BRIP1: variants seen among roughly 807,000 people sequenced by gnomAD.
BRIP1 encodes the protein Fanconi anemia group J protein.
A neutral mutation model predicts 119.7 loss-of-function variants in BRIP1; 88 were observed. The observed-to-expected ratio is 0.74, with a 90% CI of 0.62 to 0.88. The LOEUF (loss-of-function observed/expected upper bound fraction) is 0.88, where lower values mean the gene tolerates loss of function less well. Ranked by LOEUF, BRIP1 falls within the 40% of genes least tolerant of loss-of-function variation. The probability of loss-of-function intolerance (pLI) is 0.00; values close to 1 mark genes in which losing one functional copy is unlikely to be tolerated. For missense variants in BRIP1, 1,259 were observed against 1,455.4 expected, an observed-to-expected ratio of 0.87 and a Z score of 2.20; for synonymous variants, 443 against 496.5, an observed-to-expected ratio of 0.89 and a Z score of 1.43.
chr17:61,694,628 C>T (rs192176786), intron 17 of BRIP1, among the ~76,000 whole-genome samples: 3 of 152,152 alleles, frequency 2.0e-5, no homozygotes, highest in Non-Finnish European at 4.4e-5. Flanking sequence ...GCACATTTTA[C>T]ATTCCCACCA....
Position 61,722,523 on chromosome 17 carries a change from A to G in BRIP1, c.2380-6460T>C, listed in dbSNP as rs745809969. On this transcript the variant is annotated intron_variant, in intron 16 of 19. Transcript: ENST00000259008. This position sits in a 1 kb window ranked among gnomAD's most constrained non-coding sequence, Gnocchi z 4.6. ...GGAAAAATATATGTATTTCCTACCT[A>G]TCTCTCAAAAATGTAACTAAAGCAG... is the stretch of plus-strand genomic sequence containing the variant. Among the ~76,000 whole-genome samples, 8 of 152,240 alleles carry G rather than the reference A, an allele frequency of 5.3e-5. No homozygotes were observed. The highest frequency in any genetic ancestry group is 1.2e-4 in the Non-Finnish European group (8 of 68,040).
rs182046029 is a variant in BRIP1, at chr17:61,736,757, C to T, written c.2379+6256G>A. On this transcript the variant is annotated intron_variant, in intron 16 of 19. Transcript: ENST00000259008. The surrounding 1 kb of genome is among the most constrained non-coding windows in gnomAD (Gnocchi z 4.4). ...TCTTAGTTGTAGAGACACAAAGATG[C>T]TGAAGAAATTATCCCTATCCTCAAG... Among the ~76,000 whole-genome samples, 14 of 152,204 alleles carry T rather than the reference C, an allele frequency of 9.2e-5. No individual in the cohort carries two copies.
Position 61,767,984 on chromosome 17 carries a change from T to C in BRIP1, c.2097+8417A>G, listed in dbSNP as rs1003082340. ...GCTTCATTCAATCACATGTGATCTC[T>C]TCCTACTCTTAATTCCATTATCATT... On this transcript the variant is annotated intron_variant, in intron 14 of 19. Coordinates refer to ENST00000259008, the MANE Select transcript of BRIP1 (RefSeq NM_032043.3). The surrounding 1 kb of genome is among the most constrained non-coding windows in gnomAD (Gnocchi z 5.7). Among the ~76,000 whole-genome samples, 1 of 152,212 alleles carries C rather than the reference T, an allele frequency of 6.6e-6. No individual in the cohort carries two copies. Among genetic ancestry groups the C allele is most frequent in the African/African-American group, 2.4e-5 (1 of 41,472 alleles).
intron 16 of BRIP1, among the ~76,000 whole-genome samples, chr17:61,731,048 T>C (rs1199445124): frequency 6.6e-6 from 1 of 150,780 alleles, no homozygotes; most frequent in Admixed American, 6.6e-5. Context: ...ACTTAGAAAC[T>C]GCTTTCAAAA....
chr17:61,743,234 A>T lies in BRIP1; in HGVS notation c.2258-100T>A, dbSNP rs1234080251. 6.5e-6 allele frequency: 9 copies of T among 1,379,314 alleles called. No individual in the cohort carries two copies. The highest frequency in any genetic ancestry group is 7.1e-6 in the Non-Finnish European group (7 of 987,300). 85.4% of individuals were successfully genotyped at this position (1,379,314 alleles called of 1,614,324 possible). On this transcript the variant is annotated intron_variant, in intron 15 of 19. Transcript: ENST00000259008. This position sits in a 1 kb window ranked among gnomAD's most constrained non-coding sequence, Gnocchi z 4.3. ...TATAATTATAGTAATTACAGTAGCA[A>T]ATTTAAAATAATCAAAATAAAACAC...
At position 61,809,216 on chromosome 17, in the gene BRIP1, A is replaced by T. The variant is rs918637033; in HGVS notation, c.628-459T>A. Reference sequence around the variant, plus strand: ...ATGCTTTTGAAGCACTTTTAAATATAGTTTACAAAAGAATAGAATTATCAA... The same window carrying T: ...ATGCTTTTGAAGCACTTTTAAATATTGTTTACAAAAGAATAGAATTATCAA... On this transcript the variant is annotated intron_variant, in intron 6 of 19. Coordinates refer to ENST00000259008, the MANE Select transcript of BRIP1 (RefSeq NM_032043.3). This position sits in a 1 kb window ranked among gnomAD's most constrained non-coding sequence, Gnocchi z 5.2. 6.6e-6 allele frequency among the ~76,000 whole-genome samples: 1 copy of T among 152,222 alleles called. No individual in the cohort carries two copies. Among genetic ancestry groups the T allele is most frequent in the Admixed American group, 6.5e-5 (1 of 15,282 alleles).
rs920380840 is a variant in BRIP1 at position 61,725,309 on chromosome 17, A to G, written c.2380-9246T>C. The stretch of plus-strand genomic sequence containing the variant: ...CGTTACAACTTGACCACAATAATCT[A>G]TCAAGACATAGTAACAGCAATATAT... On this transcript the variant is annotated intron_variant, in intron 16 of 19. Coordinates refer to ENST00000259008, the MANE Select transcript of BRIP1 (RefSeq NM_032043.3). This position sits in a 1 kb window ranked among gnomAD's most constrained non-coding sequence, Gnocchi z 5.3. Among the ~76,000 whole-genome samples, 1 of 152,234 alleles carries G rather than the reference A, an allele frequency of 6.6e-6. No individual in the cohort carries two copies.
rs1379258140 is a variant in BRIP1, at chr17:61,720,012, T to C, written c.2380-3949A>G. Among the ~76,000 whole-genome samples, 1 of 152,054 alleles carries C rather than the reference T, an allele frequency of 6.6e-6. No individual in the cohort carries two copies. The highest frequency in any genetic ancestry group is 1.5e-5 in the Non-Finnish European group (1 of 67,998). ...CCTGGCCAATTTTTTTCTTTTTTAA[T>C]TTTTATAGAGATGGATTCTTGCTAT... On this transcript the variant is annotated intron_variant, in intron 16 of 19. Coordinates refer to ENST00000259008, the MANE Select transcript of BRIP1 (RefSeq NM_032043.3). The surrounding 1 kb of genome is among the most constrained non-coding windows in gnomAD (Gnocchi z 4.3).
rs1400389937 is a variant in BRIP1 at position 61,796,180 on chromosome 17, A to G, written c.1341-2451T>C. Among the ~76,000 whole-genome samples the G allele has an allele frequency of 6.6e-6, 1 of 151,980 alleles. No homozygotes were observed. The highest frequency in any genetic ancestry group is 2.1e-4 in the South Asian group (1 of 4,818). On this transcript the variant is annotated intron_variant, in intron 9 of 19. Transcript: ENST00000259008. The surrounding 1 kb of genome is among the most constrained non-coding windows in gnomAD (Gnocchi z 4.8). The stretch of plus-strand genomic sequence containing the variant: ...TCCCTTGTCAGATGGGTAGTTTGCA[A>G]ATATTTTCTCCCATTCTGTGGGTTG...
In BRIP1 at chr17:61,807,818, A is replaced by G. The variant is rs1253452048; in HGVS notation, c.918+649T>C. ...CCAGAACATAGGCTCCCAAACTAAT[A>G]CTGCCAAAAGAAATTATTTGAAAGT... On this transcript the variant is annotated intron_variant, in intron 7 of 19. Coordinates refer to ENST00000259008, the MANE Select transcript of BRIP1 (RefSeq NM_032043.3). The surrounding 1 kb of genome is among the most constrained non-coding windows in gnomAD (Gnocchi z 4.5). 6.6e-6 allele frequency among the ~76,000 whole-genome samples: 1 copy of G among 152,144 alleles called. No individual in the cohort carries two copies. The highest frequency in any genetic ancestry group is 1.5e-5 in the Non-Finnish European group (1 of 67,994).
chr17:61,821,660 G>A (rs2078328020), intron 6 of BRIP1, among the ~76,000 whole-genome samples: 1 of 151,920 alleles, frequency 6.6e-6, no homozygotes, highest in South Asian at 2.1e-4. Flanking sequence ...TTCCCGAGTA[G>A]CTGGGACTAT....
rs2078435268 is a variant in BRIP1, at chr17:61,828,053, T to TAGGTGTATACCCAAACGAATGAAAAC, written c.627+19022_627+19047dup. ...CCATATGGTCCAGAAATTCCACTCT[T>TAGGTGTATACCCAAACGAATGAAAAC]AGGTGTATACCCAAACGAATGAAAA... On this transcript the variant is annotated intron_variant, in intron 6 of 19. Transcript: ENST00000259008. The surrounding 1 kb of genome is among the most constrained non-coding windows in gnomAD (Gnocchi z 4.1). 6.6e-6 allele frequency among the ~76,000 whole-genome samples: 1 copy of TAGGTGTATACCCAAACGAATGAAAAC among 152,144 alleles called. No homozygotes were observed. The highest frequency in any genetic ancestry group is 2.1e-4 in the South Asian group (1 of 4,824).
chr17:61,716,008 G>C lies in BRIP1; in HGVS notation c.2435C>G (p.Pro812Arg), dbSNP rs876659410. 1 of 1,608,508 alleles carries C rather than the reference G, an allele frequency of 6.2e-7. No individual in the cohort carries two copies. ...TTGAATTTCATACCACTGACGGCCA[G>C]GTAGAAGACCTCTCAATTTTGAATG... ...DHHSKLRGLL[P>R]GRQWYEIQAY... The change falls in exon 17 of 20, where the codon CCT becomes CGT. Residue 812 changes from proline (P) to arginine (R), a missense_variant. Pro to Arg is a moderately radical substitution (Grantham distance 103). Transcript: ENST00000259008.
chr17:61,780,982 G>A lies in BRIP1; in HGVS notation c.1652C>T (p.Ala551Val), dbSNP rs375246789. 1.1e-5 allele frequency: 18 copies of A among 1,613,646 alleles called. No homozygotes were observed. Among genetic ancestry groups the A allele is most frequent in the South Asian group, 2.2e-5 (2 of 91,082 alleles). The change falls in exon 12 of 20, where the codon GCG (alanine) becomes GTG (valine). Residue 551 changes from alanine (A) to valine (V), a missense_variant. This residue lies in a region of BRIP1 where 753 missense variants were observed against 891.8 expected (regional missense o/e 0.84). Transcript: ENST00000259008. This position sits in a 1 kb window ranked among gnomAD's most constrained non-coding sequence, Gnocchi z 5.4. ...NSRFADDYKI[A>V]IQQTYSWTNQ... ...TGTCCAGGAGTAAGTCTGTTGAATC[G>A]CAATTTTATAATCATCTGCAAATCT...
Position 61,775,350 on chromosome 17 carries a change from A to C in BRIP1, c.2097+1051T>G, listed in dbSNP as rs2077516978. On this transcript the variant is annotated intron_variant, in intron 14 of 19. Transcript: ENST00000259008. The surrounding 1 kb of genome is among the most constrained non-coding windows in gnomAD (Gnocchi z 4.4). ...TTATCTACAAGAGACTAATTGCTTTAGTGTATCCCTAGCTATCAAAGTACA... is the reference window on the plus strand; with the variant it reads ...TTATCTACAAGAGACTAATTGCTTTCGTGTATCCCTAGCTATCAAAGTACA... 6.6e-6 allele frequency among the ~76,000 whole-genome samples: 1 copy of C among 152,196 alleles called. No homozygotes were observed. The highest frequency in any genetic ancestry group is 2.4e-5 in the African/African-American group (1 of 41,468).
At chr17:61,781,702 C>T (rs1411300735) in intron 11 of BRIP1, among the ~76,000 whole-genome samples, 1 of 152,072 alleles carries the variant, frequency 6.6e-6, no homozygotes, top group African/African-American at 2.4e-5. Context: ...GCAGGTGGAT[C>T]ACGAGGTCAG....
chr17:61,819,154 C>G (rs1417739047), intron 6 of BRIP1, among the ~76,000 whole-genome samples: 1 of 150,046 alleles, frequency 6.7e-6, no homozygotes, highest in Non-Finnish European at 1.5e-5. Flanking sequence ...CCACTGCACT[C>G]CAGCCTGGGC....
At chr17:61,721,097 C>T (rs1294712875) in intron 16 of BRIP1, among the ~76,000 whole-genome samples, 3 of 152,070 alleles carry the variant, frequency 2.0e-5, no homozygotes, top group African/African-American at 7.2e-5. Flanking sequence ...CTGCATTGGC[C>T]TCCCAAAATG....
rs996433782 is a variant in BRIP1, at chr17:61,804,674, T to C, written c.919-3200A>G. On this transcript the variant is annotated intron_variant, in intron 7 of 19. Coordinates refer to ENST00000259008, the MANE Select transcript of BRIP1 (RefSeq NM_032043.3). The surrounding 1 kb of genome is among the most constrained non-coding windows in gnomAD (Gnocchi z 4.5). ...GCTGGCATTACAGGCATGAGCATCA[T>C]GCCCGGCCAATGTATTTTTTACAAA... is the stretch of plus-strand genomic sequence containing the variant. Among the ~76,000 whole-genome samples, 10 of 152,130 alleles carry C rather than the reference T, an allele frequency of 6.6e-5. No individual in the cohort carries two copies. In the East Asian group the frequency reaches 1.7e-3, roughly 26 times the overall value.
Sources: gnomAD v4.1 joint callset for allele counts (sites outside exome capture counted in the v4.1 genomes callset) on GRCh38, gnomAD v4.1.1 for gene constraint, gnomAD v4.1.1 regional missense constraint, Gnocchi (gnomAD v3.1) non-coding constraint, MANE v1.5 for transcripts, NCBI Gene and HGNC (gene_info 2026-07-23, HGNC 2026-07-21) for gene names.